The following GAREM1 variants were observed in gnomAD, a reference collection of about 807,000 sequenced individuals.
The protein encoded by GAREM1 is GRB2 associated regulator of MAPK1 subtype 1, also known as GRB2-associated and regulator of MAPK protein 1.
A neutral mutation model predicts 71.3 loss-of-function variants in GAREM1; 26 were observed. The ratio of observed to expected loss-of-function variants is 0.36; its 90% CI spans 0.27 to 0.51. GAREM1 has a LOEUF of 0.51. Ranked by LOEUF, GAREM1 falls within the 20% of genes least tolerant of loss-of-function variation. The pLI, the probability that GAREM1 is intolerant of heterozygous loss-of-function variation, is 0.95. For missense variants in GAREM1, 1,026 were observed against 1,103.1 expected (o/e 0.93, Z 0.99); for synonymous variants, 440 against 433.2 (o/e 1.02, Z -0.20).
intron 4 of GAREM1, among the ~76,000 whole-genome samples, chr18:32,275,332 TC>T (rs749790479): frequency 7.2e-5 from 11 of 152,206 alleles, no homozygotes; most frequent in Non-Finnish European, 1.5e-4. Flanking sequence ...TGACTGGACT[TC>T]CACTGGCAAC....
At chr18:32,347,044 ACAGCCAGGTTTGGGG>A (rs2047703909) in intron 2 of GAREM1, among the ~76,000 whole-genome samples, 2 of 152,212 alleles carry the variant, frequency 1.3e-5, no homozygotes, top group South Asian at 4.1e-4. Context: ...TTTCCCCAAG[ACAGCCAGGTTTGGGG>A]CCTTTAATTT....
At chr18:32,350,244 G>A (rs149649811) in intron 2 of GAREM1, among the ~76,000 whole-genome samples, 72 of 152,262 alleles carry the variant, frequency 4.7e-4, no homozygotes, top group African/African-American at 1.6e-3. Context: ...ATGGAGACAT[G>A]TTTTTAAAAG....
At chr18:32,406,591 A>T (rs1351708175) in intron 1 of GAREM1, among the ~76,000 whole-genome samples, 2 of 152,252 alleles carry the variant, frequency 1.3e-5, no homozygotes, top group Non-Finnish European at 2.9e-5. Flanking sequence ...AAAAGGAAGC[A>T]AAGTGTTCCA....
rs79551526 is a variant in GAREM1, at chr18:32,369,217, G to A, written c.262+23678C>T. On this transcript the variant is annotated intron_variant, in intron 2 of 5. Coordinates refer to ENST00000269209, the MANE Select transcript of GAREM1 (RefSeq NM_001242409.2). ...GCCCATATGCTGCTTTGAAAGGTGC[G>A]GAAAGGCTTTTCACATCATGAATTT... Among the ~76,000 whole-genome samples the A allele has an allele frequency of 3.6e-3, 544 of 152,238 alleles. 2 individuals are homozygous for A. The highest frequency in any genetic ancestry group is 5.5e-3 in the Non-Finnish European group (376 of 68,028).
chr18:32,318,018 G>A (rs2047396730), intron 2 of GAREM1, among the ~76,000 whole-genome samples: 1 of 152,124 alleles, frequency 6.6e-6, no homozygotes, highest in Admixed American at 6.5e-5. Flanking sequence ...AGATGTTACT[G>A]TCAAACTCTG....
At chr18:32,403,434 C>T (rs1334831907) in intron 1 of GAREM1, among the ~76,000 whole-genome samples, 1 of 152,142 alleles carries the variant, frequency 6.6e-6, no homozygotes, top group African/African-American at 2.4e-5. Flanking sequence ...TCTCTGTTTA[C>T]ACATATGCTG....
At chr18:32,348,104 T>C (rs1484260990) in intron 2 of GAREM1, among the ~76,000 whole-genome samples, 1 of 152,248 alleles carries the variant, frequency 6.6e-6, no homozygotes, top group Non-Finnish European at 1.5e-5. Context: ...CGCAAGGGAA[T>C]GCTCTAAAAA....
At chr18:32,456,263 A>C (rs1217879463) in intron 1 of GAREM1, among the ~76,000 whole-genome samples, 3 of 152,182 alleles carry the variant, frequency 2.0e-5, no homozygotes, top group African/African-American at 7.2e-5. Flanking sequence ...GCAAGCCAAC[A>C]ACAGAAAAAC....
chr18:32,381,203 C>T (rs2048094180), intron 2 of GAREM1, among the ~76,000 whole-genome samples: 1 of 146,236 alleles, frequency 6.8e-6, no homozygotes, highest in African/African-American at 2.8e-5. Flanking sequence ...AGCCCAAGAA[C>T]TAAAAGGACA....
intron 2 of GAREM1, among the ~76,000 whole-genome samples, chr18:32,379,424 A>G (rs2048070833): frequency 8.4e-6 from 1 of 118,880 alleles, no homozygotes; most frequent in Admixed American, 1.2e-4. Flanking sequence ...GCCAGGCACG[A>G]TGGCTCATGC....
intron 1 of GAREM1, among the ~76,000 whole-genome samples, chr18:32,424,646 C>T (rs546145943): frequency 6.6e-6 from 1 of 152,028 alleles, no homozygotes; most frequent in Non-Finnish European, 1.5e-5. Flanking sequence ...ATATTTGGAA[C>T]CAGATGAGAT....
chr18:32,270,286 T>C lies in GAREM1; in HGVS notation c.1664A>G (p.Lys555Arg). 1.2e-6 allele frequency: 2 copies of C among 1,613,980 alleles called. No individual in the cohort carries two copies. The highest frequency in any genetic ancestry group is 1.7e-6 in the Non-Finnish European group (2 of 1,179,972). ...TSPSIPPRTV[K>R]PARQQTRSPS... is the part of the protein sequence containing the mutation. Reference sequence around the variant, plus strand: ...AGAGCGAGTCTGTTGCCGCGCTGGCTTGACTGTGCGAGGAGGGATGGAGGG... The same window carrying C: ...AGAGCGAGTCTGTTGCCGCGCTGGCCTGACTGTGCGAGGAGGGATGGAGGG... The change falls in exon 5 of 6, where the codon AAG (lysine) becomes AGG (arginine). Residue 555 changes from lysine to arginine, a missense_variant. Physicochemically the swap from Lys to Arg is conservative, Grantham distance 26. This residue lies in a region of GAREM1 where 636 missense variants were observed against 631.2 expected (regional missense o/e 1.01). Coordinates refer to ENST00000269209, the MANE Select transcript of GAREM1 (RefSeq NM_001242409.2).
At chr18:32,364,638 G>T (rs1020807035) in intron 2 of GAREM1, among the ~76,000 whole-genome samples, 2 of 152,166 alleles carry the variant, frequency 1.3e-5, no homozygotes, top group African/African-American at 4.8e-5. Flanking sequence ...AAAAAAGTCT[G>T]ATGTGCCAGT....
intron 1 of GAREM1, among the ~76,000 whole-genome samples, chr18:32,416,630 G>A (rs1416014187): frequency 6.6e-6 from 1 of 152,178 alleles, no homozygotes; most frequent in Middle Eastern, 3.4e-3. Flanking sequence ...GGGAAACACA[G>A]TCTCTTCAAT....
chr18:32,413,309 A>G, intron 1 of GAREM1: 1 of 1,085,012 alleles, frequency 9.2e-7, no homozygotes, highest in South Asian at 1.4e-5. Flanking sequence ...TTCCAAAAAT[A>G]CCGCTTAGCC....
At chr18:32,313,737 T>A (rs763697785) in intron 2 of GAREM1, among the ~76,000 whole-genome samples, 1 of 151,960 alleles carries the variant, frequency 6.6e-6, no homozygotes, top group Non-Finnish European at 1.5e-5. Flanking sequence ...AATTGCGAAG[T>A]GGAATGGTAA....
chr18:32,280,423 G>T (rs2144443211), intron 4 of GAREM1, among the ~76,000 whole-genome samples: 1 of 152,238 alleles, frequency 6.6e-6, no homozygotes, highest in Non-Finnish European at 1.5e-5. Flanking sequence ...GTTATCCAAG[G>T]CCACTTCTCA....
intron 4 of GAREM1, among the ~76,000 whole-genome samples, chr18:32,271,287 A>G (rs2041459265): frequency 6.6e-6 from 1 of 151,932 alleles, no homozygotes; most frequent in Non-Finnish European, 1.5e-5. Flanking sequence ...CTGCTTCCCG[A>G]GTTCAAGCAA....
intron 2 of GAREM1, among the ~76,000 whole-genome samples, chr18:32,378,065 G>GCGCGT (rs1567986715): frequency 5.4e-5 from 7 of 128,746 alleles, no homozygotes; most frequent in Admixed American, 1.5e-4. Context: ...TGTGCGCGCG[G>GCGCGT]GCGCTTTGGA....
Sources: gnomAD v4.1 joint callset for allele counts (sites outside exome capture counted in the v4.1 genomes callset) on GRCh38, gnomAD v4.1.1 for gene constraint, gnomAD v4.1.1 regional missense constraint, MANE v1.5 for transcripts, NCBI Gene and HGNC (gene_info 2026-07-23, HGNC 2026-07-21) for gene names.